The following RTN1 variants were observed in gnomAD, a reference collection of about 807,000 sequenced individuals.
RTN1 encodes the protein reticulon-1.
RTN1 carries 25 observed loss-of-function variants against 65.5 expected under a neutral mutation model. That is an observed-to-expected ratio of 0.38 (90% confidence interval 0.28 to 0.53). The LOEUF (loss-of-function observed/expected upper bound fraction) is 0.53. RTN1 is among the 20% of genes least tolerant of loss of function. The pLI, the probability that RTN1 is intolerant of heterozygous loss-of-function variation, is 0.79. For missense variants in RTN1, 983 were observed against 1,025.4 expected (o/e 0.96, Z 0.57); for synonymous variants, 471 against 447.6 (o/e 1.05, Z -0.66).
chr14:59,606,894 G>T (rs1595110325), intron 4 of RTN1, among the ~76,000 whole-genome samples: 1 of 152,248 alleles, frequency 6.6e-6, no homozygotes, highest in East Asian at 1.9e-4. Context: ...CCTAGTCCTG[G>T]TTTCGTGCTA....
chr14:59,668,213 G>C (rs1883422775), intron 3 of RTN1, among the ~76,000 whole-genome samples: 1 of 152,096 alleles, frequency 6.6e-6, no homozygotes, highest in African/African-American at 2.4e-5. Context: ...ATACTACAAG[G>C]CTACAGTAAC....
At chr14:59,679,296 A>G (rs780652921) in intron 3 of RTN1, among the ~76,000 whole-genome samples, 2 of 152,202 alleles carry the variant, frequency 1.3e-5, no homozygotes, top group Non-Finnish European at 2.9e-5. Flanking sequence ...AAATTGAGTT[A>G]TCTATTAAAC....
intron 3 of RTN1, among the ~76,000 whole-genome samples, chr14:59,689,463 T>G (rs772462237): frequency 1.3e-5 from 2 of 152,168 alleles, no homozygotes; most frequent in Non-Finnish European, 2.9e-5. Flanking sequence ...AGACAACACC[T>G]GTGAGATACT....
chr14:59,605,099 T>C (rs895516071), intron 5 of RTN1: 3 of 302,526 alleles, frequency 9.9e-6, no homozygotes, highest in East Asian at 6.3e-5. Flanking sequence ...GTAAAGACTA[T>C]AGAGCTAGAA....
At chr14:59,660,078 A>T (rs865835081) in intron 3 of RTN1, among the ~76,000 whole-genome samples, 1 of 152,050 alleles carries the variant, frequency 6.6e-6, no homozygotes, top group Admixed American at 6.6e-5. Context: ...AAAACAAGCA[A>T]GGGTTGCAAT....
intron 1 of RTN1, among the ~76,000 whole-genome samples, chr14:59,806,819 AGTATTCCATGGT>A (rs1886647725): frequency 6.6e-6 from 1 of 152,268 alleles, no homozygotes; most frequent in Non-Finnish European, 1.5e-5. Flanking sequence ...ATAGCTGCAT[AGTATTCCATGGT>A]GTATATGTAC....
chr14:59,807,307 G>T (rs1886656560), intron 1 of RTN1, among the ~76,000 whole-genome samples: 1 of 152,182 alleles, frequency 6.6e-6, no homozygotes, highest in Non-Finnish European at 1.5e-5. Flanking sequence ...AATTCTATAG[G>T]TCGGTCTAGA....
At position 59,746,134 on chromosome 14, in the gene RTN1, T is replaced by C. The variant is rs920275852; in HGVS notation, c.589A>G (p.Ile197Val). Reference protein sequence around the residue: ...DQMKAEAYKYIDITRPEEVKH... With the variant: ...DQMKAEAYKYVDITRPEEVKH... Reference sequence around the variant, plus strand: ...ACCTCCTCGGGTCTGGTTATGTCAATGTATTTATAGGCCTCTGCTTTCATC... The same window carrying C: ...ACCTCCTCGGGTCTGGTTATGTCAACGTATTTATAGGCCTCTGCTTTCATC... The change falls in exon 2 of 9, where the codon ATT becomes GTT. Residue 197 changes from isoleucine (I) to valine (V), a missense_variant. Coordinates refer to ENST00000267484, the MANE Select transcript of RTN1 (RefSeq NM_021136.3). 2.5e-6 allele frequency: 4 copies of C among 1,610,252 alleles called. No homozygotes were observed. Among genetic ancestry groups the C allele is most frequent in the Admixed American group, 1.7e-5 (1 of 59,200 alleles).
chr14:59,824,445 G>A (rs936448499), intron 1 of RTN1, among the ~76,000 whole-genome samples: 3 of 152,104 alleles, frequency 2.0e-5, no homozygotes, highest in Non-Finnish European at 4.4e-5. Context: ...AATGTGTAGA[G>A]GGTGGAGAGT....
In RTN1 at chr14:59,614,591, T is replaced by C. The variant is rs144376976; in HGVS notation, c.1766-7099A>G. Among the ~76,000 whole-genome samples, 868 of 152,368 alleles carry C rather than the reference T, an allele frequency of 5.7e-3. 8 individuals carry two copies. Among genetic ancestry groups the C allele is most frequent in the African/African-American group, 0.02 (838 of 41,596 alleles). Reference sequence around the variant, plus strand: ...GGTAAAATAAAATGTCTTGAAAATGTAGACATTTGGTCTAAATTAAGGTCA... The same window carrying C: ...GGTAAAATAAAATGTCTTGAAAATGCAGACATTTGGTCTAAATTAAGGTCA... On this transcript the variant is annotated intron_variant, in intron 3 of 8. Coordinates refer to ENST00000267484, the MANE Select transcript of RTN1 (RefSeq NM_021136.3).
chr14:59,749,320 CTATA>C (rs1237200086), intron 1 of RTN1, among the ~76,000 whole-genome samples: 1 of 17,774 alleles, frequency 5.6e-5, no homozygotes. Context: ...ATATATATAT[CTATA>C]TATCTATATA....
chr14:59,609,686 G>A (rs1373089839), intron 3 of RTN1, among the ~76,000 whole-genome samples: 1 of 152,114 alleles, frequency 6.6e-6, no homozygotes, highest in Non-Finnish European at 1.5e-5. Context: ...GACGGTCCGG[G>A]GCCTCCAGGT....
intron 1 of RTN1, among the ~76,000 whole-genome samples, chr14:59,821,189 AAC>A (rs1427836372): frequency 6.6e-6 from 1 of 152,158 alleles, no homozygotes; most frequent in Non-Finnish European, 1.5e-5. Context: ...GATTTCTTTT[AAC>A]AGTGTTTTGC....
At chr14:59,758,595 C>T (rs112979285) in intron 1 of RTN1, among the ~76,000 whole-genome samples, 15 of 152,334 alleles carry the variant, frequency 9.8e-5, no homozygotes, top group African/African-American at 3.4e-4. Context: ...GAAGTTTCTT[C>T]CTGTTACCCC....
At chr14:59,841,365 A>G (rs1399719957) in intron 1 of RTN1, among the ~76,000 whole-genome samples, 6 of 152,108 alleles carry the variant, frequency 3.9e-5, no homozygotes, top group Admixed American at 1.3e-4. Flanking sequence ...ATGTTTAAAC[A>G]CTCCAATTAA....
rs147066314 is a variant in RTN1, at chr14:59,607,510, C to G, written c.1766-18G>C. On this transcript the variant is annotated intron_variant, in intron 3 of 8. Coordinates refer to ENST00000267484, the MANE Select transcript of RTN1 (RefSeq NM_021136.3). ...GTCAATAGCTGCAGGAGACACCAAA[C>G]ACACCCAGCTGAGCTCCCGCAGTGC... The G allele has an allele frequency of 1.3e-6, 2 of 1,586,670 alleles. No homozygotes were observed. The highest frequency in any genetic ancestry group is 2.7e-5 in the African/African-American group (2 of 74,384).
intron 1 of RTN1, among the ~76,000 whole-genome samples, chr14:59,805,975 T>C (rs1157316475): frequency 2.0e-5 from 3 of 152,120 alleles, no homozygotes; most frequent in Admixed American, 2.0e-4. Context: ...CTGTGGCTCA[T>C]GCTTGTAATC....
chr14:59,694,597 T>C (rs775306814), intron 3 of RTN1, among the ~76,000 whole-genome samples: 7 of 152,146 alleles, frequency 4.6e-5, no homozygotes, highest in African/African-American at 7.2e-5. Context: ...ATTACAAAAC[T>C]GAGAAAAATG....
chr14:59,712,772 G>A (rs1347683806), intron 3 of RTN1, among the ~76,000 whole-genome samples: 2 of 152,046 alleles, frequency 1.3e-5, no homozygotes, highest in African/African-American at 4.8e-5. Flanking sequence ...TTAGCTGGGT[G>A]TGGTGGGGCA....
Sources: allele counts gnomAD v4.1 joint callset (sites outside exome capture counted in the v4.1 genomes callset), GRCh38; gene constraint gnomAD v4.1.1; transcripts MANE v1.5; gene names NCBI Gene and HGNC (gene_info 2026-07-23, HGNC 2026-07-21).